Variants in DCC observed in about 807,000 individuals in gnomAD.
DCC encodes netrin receptor DCC.
In DCC, 58 loss-of-function variants were observed where a neutral mutation model predicts 172.5. The observed-to-expected ratio is 0.34, with a 90% CI of 0.27 to 0.42. The LOEUF (loss-of-function observed/expected upper bound fraction) is 0.42, where lower values mean the gene tolerates loss of function less well. Among genes scored for constraint, DCC ranks in the 10% least tolerant of loss-of-function variants. The pLI is 1.00. For missense variants in DCC, 1,740 were observed against 1,791.0 expected, an observed-to-expected ratio of 0.97 and a Z score of 0.51; for synonymous variants, 709 against 644.5, an observed-to-expected ratio of 1.10 and a Z score of -1.52.
chr18:52,491,880 C>T (rs572944962), intron 1 of DCC, among the ~76,000 whole-genome samples: 3 of 152,010 alleles, frequency 2.0e-5, no homozygotes, highest in Non-Finnish European at 4.4e-5. Context: ...ATCTGAGGTA[C>T]ATAGGTGATG....
chr18:53,476,629 T>C (rs2045766095), intron 25 of DCC, among the ~76,000 whole-genome samples: 3 of 152,292 alleles, frequency 2.0e-5, no homozygotes, highest in Middle Eastern at 3.4e-3. Context: ...TTTTTGTAAA[T>C]TGTGCAGTCT....
intron 1 of DCC, among the ~76,000 whole-genome samples, chr18:52,601,188 C>G (rs1339508036): frequency 6.6e-6 from 1 of 152,050 alleles, no homozygotes; most frequent in Non-Finnish European, 1.5e-5. Context: ...CTCTTACTCT[C>G]TATAAATTCA....
At chr18:52,561,361 A>G (rs985969919) in intron 1 of DCC, among the ~76,000 whole-genome samples, 2 of 151,740 alleles carry the variant, frequency 1.3e-5, no homozygotes, top group Non-Finnish European at 2.9e-5. Context: ...ATGTATAAAT[A>G]TATACATTGA....
chr18:52,875,588 A>G (rs1478995224), intron 2 of DCC, among the ~76,000 whole-genome samples: 1 of 152,194 alleles, frequency 6.6e-6, no homozygotes, highest in African/African-American at 2.4e-5. Context: ...TATAGCATAA[A>G]ATATTCATGC....
intron 1 of DCC, among the ~76,000 whole-genome samples, chr18:52,551,399 G>C (rs1173374724): frequency 6.6e-6 from 1 of 151,886 alleles, no homozygotes; most frequent in Non-Finnish European, 1.5e-5. Context: ...AGCAAATGGA[G>C]AAAAATAAAG....
chr18:53,490,118 C>G (rs975087851), intron 26 of DCC, among the ~76,000 whole-genome samples: 2 of 152,096 alleles, frequency 1.3e-5, no homozygotes, highest in African/African-American at 2.4e-5. Context: ...TGCTATTTTT[C>G]TGCCTCTGTT....
chr18:52,772,368 G>A (rs16955487), intron 2 of DCC, among the ~76,000 whole-genome samples: 12,200 of 152,182 alleles, frequency 0.08, 1,631 homozygotes, highest in African/African-American at 0.28. Context: ...TTTTCAGAAA[G>A]CCTTATTAAA....
At chr18:52,405,980 A>C (rs1258968443) in intron 1 of DCC, among the ~76,000 whole-genome samples, 7 of 151,364 alleles carry the variant, frequency 4.6e-5, no homozygotes, top group Non-Finnish European at 1.5e-5. Flanking sequence ...AGAGATATAG[A>C]TCAATGGAAC....
At chr18:52,603,182 T>G (rs2034053312) in intron 1 of DCC, among the ~76,000 whole-genome samples, 1 of 151,972 alleles carries the variant, frequency 6.6e-6, no homozygotes, top group Non-Finnish European at 1.5e-5. Flanking sequence ...AAGCTGATAT[T>G]TACAATAAGA....
intron 1 of DCC, 40 bp downstream of exon 1, chr18:52,340,918 C>T (rs1983602914): frequency 1.4e-6 from 2 of 1,420,128 alleles, no homozygotes; most frequent in Non-Finnish European, 1.0e-6. Flanking sequence ...CACCCCCTTC[C>T]GTACCCCACT....
intron 1 of DCC, among the ~76,000 whole-genome samples, chr18:52,581,585 C>T (rs756052524): frequency 1.5e-4 from 23 of 152,102 alleles, no homozygotes; most frequent in Non-Finnish European, 2.5e-4. Context: ...TGGCATCCCA[C>T]CTTCCCATCT....
Position 53,036,692 on chromosome 18 carries a change from T to A in DCC, c.986-26613T>A, listed in dbSNP as rs141465426. On this transcript the variant is annotated intron_variant, in intron 5 of 28. Transcript: ENST00000442544. ...AGGTAGCATAGGTAGCTGAATGCTA[T>A]TCAATATGCACCCCTAATCCTATCT... Among the ~76,000 whole-genome samples the A allele has an allele frequency of 2.0e-4, 30 of 152,138 alleles. 3 individuals are homozygous for A. In the East Asian group the frequency reaches 5.8e-3, roughly 29 times the overall value.
At chr18:53,470,670 C>G (rs955404803) in intron 25 of DCC, among the ~76,000 whole-genome samples, 1 of 152,074 alleles carries the variant, frequency 6.6e-6, no homozygotes, top group East Asian at 1.9e-4. Context: ...AACTCAGAAT[C>G]ATGGCGGAAG....
At chr18:53,301,408 CA>C (rs1238497060) in intron 12 of DCC, among the ~76,000 whole-genome samples, 6 of 151,596 alleles carry the variant, frequency 4.0e-5, no homozygotes, top group Non-Finnish European at 8.8e-5. Context: ...TTCTTTCTAA[CA>C]GCCTGTAATT....
At chr18:52,924,465 A>C (rs2040171158) in intron 4 of DCC, among the ~76,000 whole-genome samples, 3 of 152,090 alleles carry the variant, frequency 2.0e-5, no homozygotes, top group Admixed American at 2.0e-4. Flanking sequence ...TATAACAAAT[A>C]TTTAAGGGAA....
At position 53,112,764 on chromosome 18, in the gene DCC, A is replaced by G. The variant is rs118018692; in HGVS notation, c.1262-44592A>G. Among the ~76,000 whole-genome samples the G allele has an allele frequency of 2.9e-3, 440 of 151,604 alleles. 1 individual carries two copies. The highest frequency in any genetic ancestry group is 3.9e-3 in the Non-Finnish European group (261 of 67,642). On this transcript the variant is annotated intron_variant, in intron 7 of 28. Transcript: ENST00000442544. ...TGGGGTAGAATTGGATATTATTCAC[A>G]CTCAAAAGATCACTGGGCAGTGAAA...
At chr18:52,692,095 G>A (rs2035937914) in intron 1 of DCC, among the ~76,000 whole-genome samples, 1 of 152,136 alleles carries the variant, frequency 6.6e-6, no homozygotes, top group Non-Finnish European at 1.5e-5. Flanking sequence ...TGTGGGGATT[G>A]ATAATAGTTT....
At chr18:53,224,873 T>C (rs1010082659) in intron 12 of DCC, among the ~76,000 whole-genome samples, 2 of 152,130 alleles carry the variant, frequency 1.3e-5, no homozygotes, top group African/African-American at 4.8e-5. Flanking sequence ...TGTAGACAAG[T>C]TGGTATATGA....
At chr18:52,354,253 A>G (rs1280713380) in intron 1 of DCC, among the ~76,000 whole-genome samples, 1 of 152,160 alleles carries the variant, frequency 6.6e-6, no homozygotes, top group Admixed American at 6.6e-5. Context: ...CTAATTTGGT[A>G]CCTATGATGG....
Sources: gnomAD v4.1 joint callset for allele counts (sites outside exome capture counted in the v4.1 genomes callset) on GRCh38, gnomAD v4.1.1 for gene constraint, MANE v1.5 for transcripts, NCBI Gene and HGNC (gene_info 2026-07-23, HGNC 2026-07-21) for gene names.